The following RIOK1 variants were observed in gnomAD, a reference collection of about 807,000 sequenced individuals.
RIOK1 encodes the protein RIO kinase 1.
In RIOK1, 66 loss-of-function variants were observed where a neutral mutation model predicts 73.5. The observed-to-expected ratio is 0.90, with a 90% confidence interval of 0.74 to 1.10. The LOEUF is 1.10. RIOK1 is among the 50% of genes least tolerant of loss of function. The pLI, the probability that RIOK1 is intolerant of heterozygous loss-of-function variation, is 0.00. For missense variants in RIOK1, 658 were observed against 699.8 expected (o/e 0.94, Z 0.67); for synonymous variants, 224 against 226.8 (o/e 0.99, Z 0.11).
At chr6:7,390,208 C>A (rs1216354670) in intron 1 of RIOK1, 135 bp downstream of exon 1, 3 of 709,752 alleles carry the variant, frequency 4.2e-6, no homozygotes, top group East Asian at 6.1e-5. Flanking sequence ...CAACCCTTTG[C>A]CTGTTTCTGC....
intron 2 of RIOK1, 76 bp from the exon 3 acceptor site, chr6:7,394,977 G>A (rs1453716800): frequency 6.3e-7 from 1 of 1,579,348 alleles, no homozygotes; most frequent in Admixed American, 1.8e-5. Flanking sequence ...AGCTAAGTAT[G>A]AACTAAGGAA....
rs554618381 is a variant in RIOK1, at chr6:7,394,819, T to G, written c.277-234T>G. ...CTGTTACTTATAATAAGAGGAATCA[T>G]AGAGAAGTTAAAAAAACGGATTATG... is the stretch of plus-strand genomic sequence containing the variant. On this transcript the variant is annotated intron_variant, in intron 2 of 16. Coordinates refer to ENST00000379834, the MANE Select transcript of RIOK1 (RefSeq NM_031480.3). Among the ~76,000 whole-genome samples the G allele has an allele frequency of 3.3e-5, 5 of 152,314 alleles. No individual in the cohort carries two copies. The South Asian group carries it at 8.3e-4, about 25-fold the overall frequency.
intron 5 of RIOK1, 26 bp downstream of exon 5, chr6:7,398,766 CTTCTT>C: frequency 6.3e-7 from 1 of 1,577,672 alleles, no homozygotes. Flanking sequence ...GTTGCAAACT[CTTCTT>C]TTTAATTAGC....
At chr6:7,408,746 A>C (rs529361207) in intron 12 of RIOK1, among the ~76,000 whole-genome samples, 25 of 145,770 alleles carry the variant, frequency 1.7e-4, no homozygotes, top group Non-Finnish European at 3.0e-4. Context: ...TTTTAAATGG[A>C]GTTTCCCTCT....
chr6:7,389,841 T>G lies in RIOK1; in HGVS notation c.-162T>G, dbSNP rs1761279917. 4 of 616,920 alleles carry G rather than the reference T, an allele frequency of 6.5e-6. No individual in the cohort carries two copies. Among genetic ancestry groups the G allele is most frequent in the Admixed American group, 2.9e-5 (1 of 33,998 alleles). The allele number at this position is 616,920 out of a possible 1,614,324, so 38.2% of individuals were successfully genotyped here. ...GGTTGGGGTGGCAGGGTGGTGGATCTGTCGGTCCCGTTTTCCCGTCGCACG... is the reference window on the plus strand; with the variant it reads ...GGTTGGGGTGGCAGGGTGGTGGATCGGTCGGTCCCGTTTTCCCGTCGCACG... On this transcript the variant is annotated 5_prime_UTR_variant, in exon 1 of 17. Transcript: ENST00000379834.
In RIOK1 at chr6:7,414,372, C is replaced by T; in HGVS notation, c.1578C>T (p.Asp526=). The T allele has an allele frequency of 6.2e-7, 1 of 1,603,510 alleles. No individual in the cohort carries two copies. Among genetic ancestry groups the T allele is most frequent in the Non-Finnish European group, 8.5e-7 (1 of 1,177,344 alleles). The part of the protein sequence containing the change: ...DHARPKKHTT[D]PDIDKKERKK... ...CCCGCCCCAAGAAACACACCACGGA[C>T]CCTGACATTGATAAAAAAGTAAGCA... The change falls in exon 16 of 17, where the codon GAC becomes GAT. Residue 526 remains aspartate, a synonymous_variant. Transcript: ENST00000379834.
Position 7,417,559 on chromosome 6 carries a change from T to C in RIOK1, c.*118T>C. 1.7e-6 allele frequency: 1 copy of C among 584,036 alleles called. No homozygotes were observed. Among genetic ancestry groups the C allele is most frequent in the Non-Finnish European group, 3.0e-6 (1 of 337,834 alleles). The allele number at this position is 584,036 out of a possible 1,614,324, so 36.2% of individuals were successfully genotyped here. A position where few individuals can be genotyped will look rare whatever the true frequency, so the allele number is the denominator to read the frequency against. On this transcript the variant is annotated 3_prime_UTR_variant, in exon 17 of 17. Coordinates refer to ENST00000379834, the MANE Select transcript of RIOK1 (RefSeq NM_031480.3). ...ACCAGATTGTCATCGTGGCACTGTC[T>C]GTGAAGACGGATTCAAATGTTTTCA...
At chr6:7,394,954 T>C (rs1173138925) in intron 2 of RIOK1, 99 bp from the exon 3 acceptor site, 92 of 1,535,838 alleles carry the variant, frequency 6.0e-5, no homozygotes, top group Non-Finnish European at 7.3e-5. Context: ...CCTCTAAGTA[T>C]TGATGCTTTA....
At chr6:7,408,420 TCCG>T (rs749872202) in intron 12 of RIOK1, among the ~76,000 whole-genome samples, 14 of 152,154 alleles carry the variant, frequency 9.2e-5, no homozygotes, top group Non-Finnish European at 1.9e-4. Context: ...TCAACTTTGC[TCCG>T]CCTGGTGAAC....
chr6:7,416,464 T>C (rs543499050), intron 16 of RIOK1, among the ~76,000 whole-genome samples: 98 of 152,112 alleles, frequency 6.4e-4, no homozygotes, highest in African/African-American at 2.3e-3. Context: ...CTGGCTAACA[T>C]GGTGAAACCC....
At chr6:7,402,754 A>G (rs192364630) in intron 7 of RIOK1, 39 bp downstream of exon 7, 196 of 1,604,412 alleles carry the variant, frequency 1.2e-4, no homozygotes, top group African/African-American at 3.1e-4. Context: ...TTTAATTTCT[A>G]TTTCCTAAAA....
chr6:7,399,557 A>G (rs1761563148), intron 5 of RIOK1, among the ~76,000 whole-genome samples: 1 of 152,242 alleles, frequency 6.6e-6, no homozygotes, highest in African/African-American at 2.4e-5. Context: ...TTAATTTTGA[A>G]TGATAGAGTA....
chr6:7,414,775 C>T (rs1164604287), intron 16 of RIOK1, among the ~76,000 whole-genome samples: 3 of 152,222 alleles, frequency 2.0e-5, no homozygotes, highest in Admixed American at 2.0e-4. Flanking sequence ...TCAGTTTCTA[C>T]TGTTTCAGTT....
chr6:7,408,705 C>T (rs964584258), intron 12 of RIOK1, among the ~76,000 whole-genome samples: 1 of 151,636 alleles, frequency 6.6e-6, no homozygotes, highest in Non-Finnish European at 1.5e-5. Context: ...TAACTTAGCA[C>T]TGACTTTCTT....
intron 16 of RIOK1, 134 bp from the exon 17 acceptor site, chr6:7,417,197 A>G: frequency 1.9e-6 from 1 of 528,908 alleles, no homozygotes; most frequent in Non-Finnish European, 3.4e-6. Flanking sequence ...GCTGAAGTGA[A>G]CCATGGTCAC....
chr6:7,394,208 C>T (rs1293123110), intron 2 of RIOK1, among the ~76,000 whole-genome samples: 3 of 152,238 alleles, frequency 2.0e-5, no homozygotes, highest in African/African-American at 4.8e-5. Context: ...CCGAGCTGGG[C>T]GGATCACCTG....
intron 12 of RIOK1, 152 bp from the exon 13 acceptor site, chr6:7,410,234 T>C (rs1482725115): frequency 2.7e-5 from 16 of 588,186 alleles, no homozygotes; most frequent in Non-Finnish European, 4.6e-5. Flanking sequence ...GCTGGAAAGC[T>C]AACTTGTACC....
chr6:7,417,282 T>C (rs775319886), intron 16 of RIOK1, 49 bp from the exon 17 acceptor site: 1 of 1,228,854 alleles, frequency 8.1e-7, no homozygotes, highest in African/African-American at 1.5e-5. Flanking sequence ...AAACAAAAAA[T>C]GCATACTCCA....
At chr6:7,405,089 T>C (rs1761712542) in intron 11 of RIOK1, 68 bp downstream of exon 11, 4 of 1,369,336 alleles carry the variant, frequency 2.9e-6, no homozygotes, top group Non-Finnish European at 3.1e-6. Flanking sequence ...AGTTAAGCTG[T>C]TGGCGTAAAA....
Sources: allele counts gnomAD v4.1 joint callset (sites outside exome capture counted in the v4.1 genomes callset), GRCh38; gene constraint gnomAD v4.1.1; transcripts MANE v1.5; gene names NCBI Gene and HGNC (gene_info 2026-07-23, HGNC 2026-07-21).